Variants in CCDC7 observed in about 807,000 individuals in gnomAD.
The protein encoded by CCDC7 is coiled-coil domain-containing protein 7.
Under a neutral mutation model 196.9 loss-of-function variants are expected in CCDC7, and 183 were observed. The ratio of observed to expected loss-of-function variants is 0.93; its 90% confidence interval spans 0.82 to 1.05. CCDC7 has a LOEUF of 1.05. Among genes scored for constraint, CCDC7 ranks in the 50% least tolerant of loss-of-function variants. The pLI, the probability that CCDC7 is intolerant of heterozygous loss-of-function variation, is 0.00. For synonymous variants in CCDC7, 525 were observed against 484.6 expected (o/e 1.08, Z -1.10); for missense variants, 1,540 against 1,482.2 (o/e 1.04, Z -0.64).
At chr10:32,769,814 T>C (rs559377755) in intron 28 of CCDC7, among the ~76,000 whole-genome samples, 2 of 152,338 alleles carry the variant, frequency 1.3e-5, no homozygotes, top group East Asian at 1.9e-4. Flanking sequence ...CATGAACTCA[T>C]CCTTTTTATG....
chr10:32,444,353 T>A (rs1474886241), upstream of CCDC7, among the ~76,000 whole-genome samples: 1 of 152,244 alleles, frequency 6.6e-6, no homozygotes, highest in African/African-American at 2.4e-5. Flanking sequence ...TTAAATTTAT[T>A]AACTTTTTAA....
At chr10:32,717,535 A>C (rs1312405570) in intron 25 of CCDC7, among the ~76,000 whole-genome samples, 1 of 152,196 alleles carries the variant, frequency 6.6e-6, no homozygotes, top group African/African-American at 2.4e-5. Context: ...ATCAGAGCAG[A>C]ACTGAAGGAG....
At chr10:32,870,546 G>A (rs1358221851) in intron 41 of CCDC7, among the ~76,000 whole-genome samples, 17 of 152,038 alleles carry the variant, frequency 1.1e-4, no homozygotes, top group African/African-American at 4.1e-4. Flanking sequence ...CTCCAAACAC[G>A]GACAATTTGA....
chr10:32,706,205 G>A lies in CCDC7; in HGVS notation c.2459-5415G>A, dbSNP rs569095936. 2.8e-4 allele frequency among the ~76,000 whole-genome samples: 43 copies of A among 152,164 alleles called. No homozygotes were observed. The South Asian group carries it at 5.0e-3, about 18-fold the overall frequency. ...CAACTATAGGGAAACTGAACAACCT[G>A]CTCCTGAATGACTACTGGGTAAATA... On this transcript the variant is annotated intron_variant, in intron 24 of 41. Coordinates refer to ENST00000639629, the Ensembl canonical transcript of CCDC7.
chr10:32,840,261 T>C (rs2092892007), intron 33 of CCDC7, among the ~76,000 whole-genome samples: 1 of 152,016 alleles, frequency 6.6e-6, no homozygotes, highest in Non-Finnish European at 1.5e-5. Context: ...TTAGCAAGAT[T>C]AACCAAGGAA....
chr10:32,669,653 G>T (rs915624908), intron 21 of CCDC7, among the ~76,000 whole-genome samples: 1 of 152,022 alleles, frequency 6.6e-6, no homozygotes, highest in East Asian at 1.9e-4. Flanking sequence ...CACGGTTATT[G>T]AAATTGGTGC....
At chr10:32,710,903 C>G (rs1047868421) in intron 24 of CCDC7, among the ~76,000 whole-genome samples, 7 of 152,098 alleles carry the variant, frequency 4.6e-5, no homozygotes, top group Non-Finnish European at 5.9e-5. Flanking sequence ...ACAACATAAG[C>G]AAGAGTGTAA....
In CCDC7 at chr10:32,500,608, G is replaced by A. The variant is rs533840334; in HGVS notation, c.872+8611G>A. 5.5e-4 allele frequency among the ~76,000 whole-genome samples: 84 copies of A among 152,106 alleles called. No individual in the cohort carries two copies. The Middle Eastern group carries it at 0.01, about 18-fold the overall frequency. On this transcript the variant is annotated intron_variant, in intron 9 of 41. Transcript: ENST00000639629. Reference sequence around the variant, plus strand: ...GCTCCTCACATCCCAGACGATGGGCGGCCAGGCAGAGACGCTCCTCACTTC... The same window carrying A: ...GCTCCTCACATCCCAGACGATGGGCAGCCAGGCAGAGACGCTCCTCACTTC...
intron 13 of CCDC7, among the ~76,000 whole-genome samples, chr10:32,564,799 TAAAA>T (rs772136689): frequency 7.0e-6 from 1 of 143,840 alleles, no homozygotes; most frequent in Non-Finnish European, 1.5e-5. Flanking sequence ...ACTTAAAGTA[TAAAA>T]AAAAAAAAGA....
At chr10:32,777,594 T>A (rs1257177679) in intron 28 of CCDC7, among the ~76,000 whole-genome samples, 1 of 152,068 alleles carries the variant, frequency 6.6e-6, no homozygotes, top group African/African-American at 2.4e-5. Context: ...TGGTGGCTCA[T>A]GCCTGTCATC....
At chr10:32,627,110 G>A (rs1234804947) in intron 18 of CCDC7, among the ~76,000 whole-genome samples, 1 of 151,608 alleles carries the variant, frequency 6.6e-6, no homozygotes, top group Admixed American at 6.6e-5. Context: ...AATTTTAATA[G>A]GATTGCGTTG....
At chr10:32,594,462 G>C (rs2060107411) in intron 18 of CCDC7, among the ~76,000 whole-genome samples, 1 of 152,078 alleles carries the variant, frequency 6.6e-6, no homozygotes, top group Non-Finnish European at 1.5e-5. Flanking sequence ...GAGACGATGG[G>C]GTTTTCTAAA....
rs550748731 is a variant in CCDC7 at position 32,734,620 on chromosome 10, C to T, written c.2905+5163C>T. 9.9e-5 allele frequency among the ~76,000 whole-genome samples: 15 copies of T among 152,196 alleles called. No individual in the cohort carries two copies. The East Asian group carries it at 1.7e-3, about 18-fold the overall frequency. On this transcript the variant is annotated intron_variant, in intron 28 of 41. Coordinates refer to ENST00000639629, the Ensembl canonical transcript of CCDC7. Reference sequence around the variant, plus strand: ...GTTAAAAATAAATAAATAGGCTGGGCGCAGTGGCTCATGCCTGTAATCCTA... The same window carrying T: ...GTTAAAAATAAATAAATAGGCTGGGTGCAGTGGCTCATGCCTGTAATCCTA...
intron 34 of CCDC7, 70 bp downstream of exon 35, chr10:32,845,396 G>T: frequency 7.8e-7 from 1 of 1,288,092 alleles, no homozygotes; most frequent in East Asian, 2.5e-5. Flanking sequence ...ATTAAGTATA[G>T]ACCTTTAATA....
At chr10:32,748,887 T>C (rs73243819) in intron 28 of CCDC7, among the ~76,000 whole-genome samples, 8,072 of 152,224 alleles carry the variant, frequency 0.053, 713 homozygotes, top group African/African-American at 0.18. Flanking sequence ...CCTTTTTCCT[T>C]TCCCTCTCTT....
chr10:32,595,584 G>A (rs905663361), intron 18 of CCDC7, among the ~76,000 whole-genome samples: 2 of 152,058 alleles, frequency 1.3e-5, no homozygotes, highest in African/African-American at 4.8e-5. Flanking sequence ...CCTTCTGCAA[G>A]CTTTTGAATG....
chr10:32,671,052 A>G (rs953217188), intron 21 of CCDC7, among the ~76,000 whole-genome samples: 1 of 152,168 alleles, frequency 6.6e-6, no homozygotes, highest in African/African-American at 2.4e-5. Context: ...AAGTTACAGT[A>G]AACTCAGGTT....
chr10:32,858,076 G>C (rs1383067169), intron 41 of CCDC7, among the ~76,000 whole-genome samples: 3 of 138,544 alleles, frequency 2.2e-5, no homozygotes, highest in African/African-American at 7.5e-5. Context: ...GATTGAATCA[G>C]GAAGAAATAG....
chr10:32,614,402 G>T (rs528167330), intron 18 of CCDC7, among the ~76,000 whole-genome samples: 1 of 151,994 alleles, frequency 6.6e-6, no homozygotes, highest in Admixed American at 6.6e-5. Flanking sequence ...TATCTAACTT[G>T]CCAGTCTGTG....
Sources: allele counts gnomAD v4.1 joint callset (sites outside exome capture counted in the v4.1 genomes callset), GRCh38; gene constraint gnomAD v4.1.1; transcripts MANE v1.5; gene names NCBI Gene and HGNC (gene_info 2026-07-23, HGNC 2026-07-21).